Variants in RHOJ observed in about 807,000 individuals in gnomAD.
RHOJ encodes rho-related GTP-binding protein RhoJ.
Under a neutral mutation model 23.4 loss-of-function variants are expected in RHOJ, and 11 were observed. That is an observed-to-expected ratio of 0.47 (90% CI 0.30 to 0.78). The LOEUF is 0.78. Ranked by LOEUF, RHOJ falls within the 30% of genes least tolerant of loss-of-function variation. RHOJ has a pLI of 0.08. For missense variants in RHOJ, 254 were observed against 273.4 expected, an observed-to-expected ratio of 0.93 and a Z score of 0.50; for synonymous variants, 102 against 102.7, an observed-to-expected ratio of 0.99 and a Z score of 0.04.
At chr14:63,220,732 C>T (rs1445761823) in intron 1 of RHOJ, among the ~76,000 whole-genome samples, 1 of 152,150 alleles carries the variant, frequency 6.6e-6, no homozygotes, top group East Asian at 1.9e-4. Flanking sequence ...ATTTCCAAGA[C>T]TCTAACTGAT....
chr14:63,287,296 T>C (rs538902528), intron 4 of RHOJ, among the ~76,000 whole-genome samples: 1 of 152,356 alleles, frequency 6.6e-6, no homozygotes, highest in African/African-American at 2.4e-5. Flanking sequence ...TGTGTGGCCA[T>C]AAGGGAGGTT....
intron 4 of RHOJ, among the ~76,000 whole-genome samples, chr14:63,287,144 T>G (rs983118136): frequency 2.0e-5 from 3 of 152,192 alleles, no homozygotes; most frequent in Non-Finnish European, 2.9e-5. Context: ...CTTTACTATA[T>G]CCGTAACAGC....
chr14:63,212,915 A>G (rs1207698163), intron 1 of RHOJ, among the ~76,000 whole-genome samples: 1 of 152,224 alleles, frequency 6.6e-6, no homozygotes, highest in Non-Finnish European at 1.5e-5. Context: ...TTTCACAAAC[A>G]ATAGTTTTAC....
intron 1 of RHOJ, among the ~76,000 whole-genome samples, chr14:63,215,293 T>C (rs1894331023): frequency 6.6e-6 from 1 of 152,170 alleles, no homozygotes; most frequent in African/African-American, 2.4e-5. Context: ...CACCCTTATC[T>C]GGACAGCCAG....
intron 1 of RHOJ, among the ~76,000 whole-genome samples, chr14:63,260,356 G>T (rs934301165): frequency 2.0e-5 from 3 of 152,156 alleles, no homozygotes; most frequent in Non-Finnish European, 2.9e-5. Flanking sequence ...CGTTCTACTC[G>T]TAAAATTATA....
chr14:63,250,105 C>T (rs372679362), intron 1 of RHOJ, among the ~76,000 whole-genome samples: 2 of 152,330 alleles, frequency 1.3e-5, no homozygotes, highest in East Asian at 3.9e-4. Context: ...CTGCTACCAC[C>T]TGGTCTAAGC....
chr14:63,245,476 AAG>A (rs1381466427), intron 1 of RHOJ, among the ~76,000 whole-genome samples: 1 of 152,010 alleles, frequency 6.6e-6, no homozygotes, highest in Non-Finnish European at 1.5e-5. Flanking sequence ...GCAACATAGC[AAG>A]ACCCCATCTC....
chr14:63,263,631 C>T (rs1895312539), intron 1 of RHOJ, among the ~76,000 whole-genome samples: 1 of 152,206 alleles, frequency 6.6e-6, no homozygotes, highest in Non-Finnish European at 1.5e-5. Flanking sequence ...GACTAGACAG[C>T]CACTACACAG....
chr14:63,224,503 C>A (rs1477872774), intron 1 of RHOJ, among the ~76,000 whole-genome samples: 1 of 152,116 alleles, frequency 6.6e-6, no homozygotes, highest in African/African-American at 2.4e-5. Context: ...CCAGAAGAAT[C>A]GTTCCTAATC....
chr14:63,209,819 A>G (rs887812433), intron 1 of RHOJ, among the ~76,000 whole-genome samples: 1 of 152,104 alleles, frequency 6.6e-6, no homozygotes, highest in Admixed American at 6.5e-5. Context: ...TGTCCAATAG[A>G]TATCTGTTTA....
At chr14:63,246,729 G>A (rs2139636262) in intron 1 of RHOJ, among the ~76,000 whole-genome samples, 1 of 152,236 alleles carries the variant, frequency 6.6e-6, no homozygotes, top group South Asian at 2.1e-4. Flanking sequence ...AGTATGTAGA[G>A]TAAGAAAACC....
At chr14:63,277,518 G>T (rs964259797) in intron 2 of RHOJ, among the ~76,000 whole-genome samples, 21 of 152,132 alleles carry the variant, frequency 1.4e-4, no homozygotes, top group African/African-American at 4.6e-4. Context: ...GCTTCAGGAT[G>T]GTTTAAAAGC....
chr14:63,209,146 C>T (rs1322406833), intron 1 of RHOJ, among the ~76,000 whole-genome samples: 2 of 152,086 alleles, frequency 1.3e-5, no homozygotes, highest in African/African-American at 2.4e-5. Flanking sequence ...CATTCTTGTC[C>T]AAGCCACCAT....
intron 2 of RHOJ, among the ~76,000 whole-genome samples, chr14:63,278,427 T>A (rs969462844): frequency 6.6e-5 from 10 of 152,156 alleles, no homozygotes; most frequent in South Asian, 2.1e-4. Context: ...TGGTCTTTTT[T>A]AAAATTTTTT....
chr14:63,288,252 A>G (rs1267496433), intron 4 of RHOJ: 3 of 985,344 alleles, frequency 3.0e-6, no homozygotes, highest in East Asian at 2.3e-4. Context: ...AAAGCCTGAC[A>G]TGCTGTCAGC....
chr14:63,283,020 C>T, intron 3 of RHOJ, 101 bp from the exon 4 acceptor site: 1 of 933,766 alleles, frequency 1.1e-6, no homozygotes, highest in South Asian at 1.6e-5. Context: ...TTAGCAACTT[C>T]AAAGATGTTA....
chr14:63,246,083 A>T (rs1167556647), intron 1 of RHOJ, among the ~76,000 whole-genome samples: 1 of 152,136 alleles, frequency 6.6e-6, no homozygotes, highest in African/African-American at 2.4e-5. Flanking sequence ...TCTCCTGGCA[A>T]CAACCCAGGT....
intron 1 of RHOJ, among the ~76,000 whole-genome samples, chr14:63,235,525 G>A (rs1894773411): frequency 6.6e-6 from 1 of 152,098 alleles, no homozygotes; most frequent in Admixed American, 6.5e-5. Context: ...GGTTCAGGGG[G>A]CAAAATATGT....
intron 3 of RHOJ, among the ~76,000 whole-genome samples, 173 bp downstream of exon 3, chr14:63,281,308 G>A (rs569728459): frequency 2.6e-5 from 4 of 152,232 alleles, no homozygotes; most frequent in Admixed American, 6.5e-5. Flanking sequence ...TAGTGGAAAA[G>A]ATAATAGAGC....
Sources: gnomAD v4.1 joint callset for allele counts (sites outside exome capture counted in the v4.1 genomes callset) on GRCh38, gnomAD v4.1.1 for gene constraint, MANE v1.5 for transcripts, NCBI Gene and HGNC (gene_info 2026-07-23, HGNC 2026-07-21) for gene names.